ITGB1: variants seen among roughly 807,000 people sequenced by gnomAD.
The protein encoded by ITGB1 is integrin subunit beta 1.
In ITGB1, 24 loss-of-function variants were observed where a neutral mutation model predicts 86.5. That is an observed-to-expected ratio of 0.28 (90% CI 0.20 to 0.39). The LOEUF (loss-of-function observed/expected upper bound fraction) is 0.39. Ranked by LOEUF, ITGB1 falls within the 10% of genes least tolerant of loss-of-function variation. ITGB1 has a pLI of 1.00. For synonymous variants in ITGB1, 323 were observed against 316.8 expected, an observed-to-expected ratio of 1.02 and a Z score of -0.21; for missense variants, 556 against 946.9, an observed-to-expected ratio of 0.59 and a Z score of 5.42.
At chr10:32,947,005 G>A (rs966222163) in intron 1 of ITGB1, among the ~76,000 whole-genome samples, 2 of 151,906 alleles carry the variant, frequency 1.3e-5, no homozygotes, top group African/African-American at 4.8e-5. Flanking sequence ...CACCACGGCT[G>A]GCTAATTTTT....
intron 15 of ITGB1, among the ~76,000 whole-genome samples, chr10:32,906,758 T>C (rs1434640478): frequency 1.3e-5 from 2 of 151,998 alleles, no homozygotes; most frequent in African/African-American, 2.4e-5. Context: ...CCTGTGACAG[T>C]TGAGAGAAGT....
chr10:32,935,811 C>A, intron 1 of ITGB1: 1 of 334,112 alleles, frequency 3.0e-6, no homozygotes, highest in Non-Finnish European at 5.5e-6. Context: ...TTCTCTAAAG[C>A]AAACCGATTA....
chr10:32,921,582 C>T (rs1224835420), intron 9 of ITGB1, among the ~76,000 whole-genome samples: 6 of 152,090 alleles, frequency 3.9e-5, no homozygotes, highest in South Asian at 2.1e-4. Context: ...AAATTACAAC[C>T]GCCTTCAGAT....
chr10:32,915,489 C>G (rs886855964), intron 11 of ITGB1, among the ~76,000 whole-genome samples: 1 of 152,226 alleles, frequency 6.6e-6, no homozygotes, highest in African/African-American at 2.4e-5. Context: ...GATATCACCA[C>G]CGATCCAACA....
chr10:32,943,775 C>T (rs2095024724), intron 1 of ITGB1, among the ~76,000 whole-genome samples: 1 of 151,770 alleles, frequency 6.6e-6, no homozygotes, highest in South Asian at 2.1e-4. Context: ...GGAAGGTGAC[C>T]CCAGGAAAAG....
At chr10:32,935,634 C>G (rs2094999154) in intron 1 of ITGB1, 76 bp from the exon 2 acceptor site, 30 of 997,666 alleles carry the variant, frequency 3.0e-5, no homozygotes. Flanking sequence ...AGTATTACCC[C>G]ACCGTACCTT....
chr10:32,924,993 A>G (rs994386508), intron 6 of ITGB1, among the ~76,000 whole-genome samples: 4 of 152,114 alleles, frequency 2.6e-5, no homozygotes, highest in African/African-American at 9.7e-5. Flanking sequence ...AAAATTCTTA[A>G]TTACTATCCA....
chr10:32,908,617 A>G (rs2094903897), intron 14 of ITGB1, 83 bp from the exon 15 acceptor site: 2 of 1,163,518 alleles, frequency 1.7e-6, no homozygotes, highest in African/African-American at 1.6e-5. Flanking sequence ...AACACCCAAG[A>G]GAGTGAACGC....
chr10:32,931,025 A>G (rs1396686015), intron 3 of ITGB1, among the ~76,000 whole-genome samples: 1 of 152,186 alleles, frequency 6.6e-6, no homozygotes, highest in Non-Finnish European at 1.5e-5. Context: ...AGTAACAGTA[A>G]GTGAAGATAT....
At chr10:32,927,262 A>C (rs1194667204) in intron 5 of ITGB1, among the ~76,000 whole-genome samples, 1 of 152,188 alleles carries the variant, frequency 6.6e-6, no homozygotes, top group Non-Finnish European at 1.5e-5. Flanking sequence ...AGGCCTCATA[A>C]CTGTCAAATC....
chr10:32,932,969 A>C (rs1416429117), intron 2 of ITGB1, among the ~76,000 whole-genome samples: 1 of 152,110 alleles, frequency 6.6e-6, no homozygotes, highest in Non-Finnish European at 1.5e-5. Context: ...TATTGACTAC[A>C]GTCACCCTGT....
chr10:32,912,503 C>T (rs928740370), intron 11 of ITGB1, among the ~76,000 whole-genome samples: 1 of 152,220 alleles, frequency 6.6e-6, no homozygotes, highest in Non-Finnish European at 1.5e-5. Flanking sequence ...TATCCCGCGC[C>T]TGGCTCAGAG....
At chr10:32,913,404 G>T (rs1044214307) in intron 11 of ITGB1, among the ~76,000 whole-genome samples, 2 of 152,124 alleles carry the variant, frequency 1.3e-5, no homozygotes, top group African/African-American at 4.8e-5. Flanking sequence ...CCATCGCAAA[G>T]AAGCTAAAAA....
chr10:32,954,659 C>T (rs2095048904), intron 1 of ITGB1, among the ~76,000 whole-genome samples: 2 of 151,900 alleles, frequency 1.3e-5, no homozygotes, highest in Non-Finnish European at 2.9e-5. Flanking sequence ...TTTATGCATC[C>T]CTGGAGATAG....
intron 1 of ITGB1, among the ~76,000 whole-genome samples, chr10:32,945,298 TG>T (rs1322686891): frequency 6.6e-6 from 1 of 152,148 alleles, no homozygotes; most frequent in African/African-American, 2.4e-5. Context: ...TCTAACTTTT[TG>T]TTCATTAAGT....
At chr10:32,953,078 T>C (rs1208512942) in intron 1 of ITGB1, among the ~76,000 whole-genome samples, 7 of 152,182 alleles carry the variant, frequency 4.6e-5, no homozygotes, top group Non-Finnish European at 1.0e-4. Flanking sequence ...TGAAATTAGA[T>C]TGGATTCTTC....
At chr10:32,945,047 C>A in intron 1 of ITGB1, 1 of 546,924 alleles carries the variant, frequency 1.8e-6, no homozygotes. Context: ...ACCTCCTATT[C>A]CTTGAATTTA....
intron 11 of ITGB1, among the ~76,000 whole-genome samples, chr10:32,914,636 C>T (rs907856157): frequency 6.6e-6 from 1 of 151,992 alleles, no homozygotes; most frequent in African/African-American, 2.4e-5. Context: ...ATATATGCAC[C>T]CAATGCAGGA....
intron 1 of ITGB1, among the ~76,000 whole-genome samples, chr10:32,944,129 G>A (rs1218053963): frequency 2.6e-5 from 4 of 152,224 alleles, no homozygotes; most frequent in African/African-American, 9.6e-5. Context: ...CCAGGAGTGA[G>A]CCACCGACTG....
Sources: allele counts gnomAD v4.1 joint callset (sites outside exome capture counted in the v4.1 genomes callset), GRCh38; gene constraint gnomAD v4.1.1; transcripts MANE v1.5; gene names NCBI Gene and HGNC (gene_info 2026-07-23, HGNC 2026-07-21).